Variants in NIPSNAP2 observed in about 807,000 individuals in gnomAD.
NIPSNAP2 encodes protein NipSnap homolog 2.
NIPSNAP2 carries 42 observed loss-of-function variants against 48.4 expected under a neutral mutation model. That is an observed-to-expected ratio of 0.87 (90% CI 0.68 to 1.12). The LOEUF (loss-of-function observed/expected upper bound fraction) is 1.12. Among genes scored for constraint, NIPSNAP2 ranks in the 50% most tolerant of loss-of-function variants. The probability of loss-of-function intolerance (pLI) is 0.00; values close to 1 mark genes in which losing one functional copy is unlikely to be tolerated. For missense variants in NIPSNAP2, 314 were observed against 347.3 expected (o/e 0.90, Z 0.76); for synonymous variants, 158 against 126.6 (o/e 1.25, Z -1.67).
intron 3 of NIPSNAP2, chr7:55,979,825 G>T (rs1787176047): frequency 2.2e-6 from 1 of 456,506 alleles, no homozygotes. Context: ...CCAATAATGG[G>T]ATTCTGCCCA....
At chr7:55,992,088 A>G (rs1215835856) in intron 7 of NIPSNAP2, among the ~76,000 whole-genome samples, 2 of 152,062 alleles carry the variant, frequency 1.3e-5, no homozygotes, top group Non-Finnish European at 2.9e-5. Flanking sequence ...TCTCAATGTA[A>G]AGATTAAAGA....
chr7:55,978,745 G>A (rs555030093), intron 3 of NIPSNAP2: 3 of 227,750 alleles, frequency 1.3e-5, no homozygotes, highest in Admixed American at 1.0e-4. Context: ...TCTCTGGACA[G>A]CTCTGAGTGT....
At chr7:55,981,401 C>G (rs1301214324) in intron 3 of NIPSNAP2, 72 bp from the exon 4 acceptor site, 3 of 998,198 alleles carry the variant, frequency 3.0e-6, no homozygotes, top group Non-Finnish European at 4.8e-6. Flanking sequence ...TTTCCTGTTA[C>G]TGATCAGGTG....
chr7:55,989,894 G>A (rs1174023605), intron 7 of NIPSNAP2, among the ~76,000 whole-genome samples: 1 of 151,224 alleles, frequency 6.6e-6, no homozygotes, highest in Non-Finnish European at 1.5e-5. Context: ...ATCACTTGAG[G>A]TCAGGAGTTT....
chr7:55,994,887 C>T lies in NIPSNAP2; in HGVS notation c.618-7C>T, dbSNP rs779295616. 2.5e-6 allele frequency: 4 copies of T among 1,613,244 alleles called. No individual in the cohort carries two copies. The Admixed American group carries it at 6.7e-5, about 27-fold the overall frequency. ...TGTCTTAAACAAACATCATCTCATT[C>T]TTACAGGGCTCGTGCAATCCGCTTC... is the stretch of plus-strand genomic sequence containing the variant. On this transcript the variant is annotated splice_region_variant and splice_polypyrimidine_tract_variant and intron_variant, in intron 7 of 9. Coordinates refer to ENST00000322090, the MANE Select transcript of NIPSNAP2 (RefSeq NM_001483.3).
chr7:55,985,432 G>C (rs988689005), intron 7 of NIPSNAP2, among the ~76,000 whole-genome samples: 1 of 151,962 alleles, frequency 6.6e-6, no homozygotes, highest in Admixed American at 6.6e-5. Context: ...CTCCCAGCAG[G>C]CTTTAGAAGT....
intron 1 of NIPSNAP2, among the ~76,000 whole-genome samples, chr7:55,973,851 A>G (rs1787057910): frequency 6.6e-6 from 1 of 152,140 alleles, no homozygotes; most frequent in Non-Finnish European, 1.5e-5. Context: ...CCTATTTGAG[A>G]CAATATCCTA....
intron 3 of NIPSNAP2, chr7:55,979,645 A>C (rs539860244): frequency 2.5e-6 from 1 of 393,602 alleles, no homozygotes; most frequent in African/African-American, 2.1e-5. Context: ...GCTCCAAGCT[A>C]TACCTGTGTC....
At chr7:55,976,402 G>C (rs1010794354) in intron 1 of NIPSNAP2, among the ~76,000 whole-genome samples, 2 of 152,202 alleles carry the variant, frequency 1.3e-5, no homozygotes, top group South Asian at 4.1e-4. Context: ...ATGAATATTT[G>C]TATGCATTCA....
chr7:55,966,019 C>T (rs188797582), intron 1 of NIPSNAP2, among the ~76,000 whole-genome samples: 78 of 152,296 alleles, frequency 5.1e-4, no homozygotes, highest in Non-Finnish European at 1.6e-4. Flanking sequence ...TACCACGTGC[C>T]AGGCACTGTT....
At position 55,989,443 on chromosome 7, in the gene NIPSNAP2, G is replaced by T. The variant is rs375660652; in HGVS notation, c.617+4565G>T. Among the ~76,000 whole-genome samples, 86 of 152,212 alleles carry T rather than the reference G, an allele frequency of 5.7e-4. 1 individual carries two copies. The East Asian group carries it at 9.3e-3, about 16-fold the overall frequency. On this transcript the variant is annotated intron_variant, in intron 7 of 9. Coordinates refer to ENST00000322090, the MANE Select transcript of NIPSNAP2 (RefSeq NM_001483.3). ...AGGTCAAGACCAGCCTTGGCAACAT[G>T]GTGAAACCTCATCTCTACAAAAAAT...
chr7:55,974,346 A>G (rs1787068320), intron 1 of NIPSNAP2, among the ~76,000 whole-genome samples: 1 of 152,106 alleles, frequency 6.6e-6, no homozygotes, highest in Non-Finnish European at 1.5e-5. Flanking sequence ...GTTGCTGCAT[A>G]AGAATAGGAA....
intron 7 of NIPSNAP2, among the ~76,000 whole-genome samples, chr7:55,985,811 G>A (rs1396669349): frequency 1.3e-5 from 2 of 151,668 alleles, no homozygotes; most frequent in African/African-American, 4.8e-5. Context: ...ACATTGGGAG[G>A]CTGAGGTGGG....
intron 3 of NIPSNAP2, 105 bp downstream of exon 3, chr7:55,978,500 C>A: frequency 9.7e-7 from 1 of 1,035,554 alleles, no homozygotes; most frequent in Non-Finnish European, 1.4e-6. Flanking sequence ...TCATCCCTCT[C>A]TTTTGAAGCT....
Position 55,986,991 on chromosome 7 carries a change from A to C in NIPSNAP2, c.617+2113A>C, listed in dbSNP as rs868345484. Among the ~76,000 whole-genome samples the C allele has an allele frequency of 2.7e-5, 4 of 146,684 alleles. No homozygotes were observed. The East Asian group carries it at 8.1e-4, about 30-fold the overall frequency. On this transcript the variant is annotated intron_variant, in intron 7 of 9. Coordinates refer to ENST00000322090, the MANE Select transcript of NIPSNAP2 (RefSeq NM_001483.3). ...GTGAAACCCTGTCTCTATAAAAAAA[A>C]AAAAAAAAAAAAAAAAAAACTTGCC...
intron 1 of NIPSNAP2, among the ~76,000 whole-genome samples, chr7:55,965,948 TGG>T (rs1786884703): frequency 6.6e-6 from 1 of 152,046 alleles, no homozygotes; most frequent in Admixed American, 6.6e-5. Flanking sequence ...GCCAGCTGAG[TGG>T]ACCCTGGCAC....
At chr7:55,970,774 C>T (rs533413991) in intron 1 of NIPSNAP2, among the ~76,000 whole-genome samples, 44 of 152,260 alleles carry the variant, frequency 2.9e-4, no homozygotes, top group Admixed American at 1.6e-3. Flanking sequence ...TGTCCCTGTA[C>T]ATGTTGTTCC....
chr7:55,964,585 G>T lies in NIPSNAP2; in HGVS notation c.-25G>T. On this transcript the variant is annotated 5_prime_UTR_variant, in exon 1 of 10. Transcript: ENST00000322090. ...GCGGCGTCAGCGGCGGCGCCCGGGCGGTGGGAGCCGAGGCGCCGAGCAAGA... is the reference window on the plus strand; with the variant it reads ...GCGGCGTCAGCGGCGGCGCCCGGGCTGTGGGAGCCGAGGCGCCGAGCAAGA... The T allele has an allele frequency of 2.0e-6, 2 of 979,126 alleles. No individual in the cohort carries two copies. Among genetic ancestry groups the T allele is most frequent in the Non-Finnish European group, 2.4e-6 (2 of 822,450 alleles). 60.7% of individuals were successfully genotyped at this position (979,126 alleles called of 1,614,324 possible).
In NIPSNAP2 at chr7:55,974,676, A is replaced by G. The variant is rs1422088912; in HGVS notation, c.93-3450A>G. On this transcript the variant is annotated intron_variant, in intron 1 of 9. Coordinates refer to ENST00000322090, the MANE Select transcript of NIPSNAP2 (RefSeq NM_001483.3). ...ATCCTGGCTAACACGGTGAAACCCC[A>G]TCTCTACTAAAAATACAAAAAATTA... 5.3e-5 allele frequency among the ~76,000 whole-genome samples: 8 copies of G among 151,778 alleles called. 1 individual carries two copies. The highest frequency in any genetic ancestry group is 1.9e-4 in the African/African-American group (8 of 41,336).
Sources: gnomAD v4.1 joint callset for allele counts (sites outside exome capture counted in the v4.1 genomes callset) on GRCh38, gnomAD v4.1.1 for gene constraint, MANE v1.5 for transcripts, NCBI Gene and HGNC (gene_info 2026-07-23, HGNC 2026-07-21) for gene names.